MYO1E: variants seen among roughly 807,000 people sequenced by gnomAD.
The protein encoded by MYO1E is myosin IE, also known as unconventional myosin-Ie.
A neutral mutation model predicts 151.1 loss-of-function variants in MYO1E; 68 were observed. The observed-to-expected ratio is 0.45, with a 90% CI of 0.37 to 0.55. MYO1E has a LOEUF of 0.55. Ranked by LOEUF, MYO1E falls within the 20% of genes least tolerant of loss-of-function variation. The probability of loss-of-function intolerance (pLI) is 0.00; values close to 1 mark genes in which losing one functional copy is unlikely to be tolerated. For missense variants in MYO1E, 1,363 were observed against 1,389.3 expected, an observed-to-expected ratio of 0.98 and a Z score of 0.30; for synonymous variants, 601 against 501.7, an observed-to-expected ratio of 1.20 and a Z score of -2.64.
chr15:59,167,476 A>C (rs1333840888), intron 22 of MYO1E, among the ~76,000 whole-genome samples: 5 of 152,124 alleles, frequency 3.3e-5, no homozygotes, highest in African/African-American at 1.2e-4. Flanking sequence ...TTTTCAAATA[A>C]GAGTGGGGCC....
intron 1 of MYO1E, among the ~76,000 whole-genome samples, chr15:59,323,549 G>A (rs146246840): frequency 0.031 from 4,714 of 151,314 alleles, 182 homozygotes; most frequent in African/African-American, 0.087. Flanking sequence ...CCAGCTACTC[G>A]GGAGGCTGAG....
intron 4 of MYO1E, among the ~76,000 whole-genome samples, chr15:59,250,651 T>C (rs538543346): frequency 6.6e-6 from 1 of 152,210 alleles, no homozygotes; most frequent in African/African-American, 2.4e-5. Flanking sequence ...TGGGAACCCC[T>C]GAATTGATGA....
rs764965073 is a variant in MYO1E, at chr15:59,256,372, A to G, written c.244T>C (p.Tyr82His). 3.1e-6 allele frequency: 5 copies of G among 1,606,378 alleles called. No individual in the cohort carries two copies. The highest frequency in any genetic ancestry group is 4.3e-6 in the Non-Finnish European group (5 of 1,174,440). Residue 82 changes from tyrosine (Y) to histidine (H), a missense_variant, in exon 4 of 28, where the codon TAT becomes CAT. Transcript: ENST00000288235. Reference protein sequence around the residue: ...EIEMYQGAAQYENPPHIYALA... With the variant: ...EIEMYQGAAQHENPPHIYALA... ...GCATAGATATGTGGTGGGTTTTCATACTGTGCCTAGAAAAGCAAAAAATAA... is the reference window on the plus strand; with the variant it reads ...GCATAGATATGTGGTGGGTTTTCATGCTGTGCCTAGAAAAGCAAAAAATAA...
chr15:59,195,464 C>T lies in MYO1E; in HGVS notation c.1802G>A (p.Ser601Asn). 1 of 1,612,712 alleles carries T rather than the reference C, an allele frequency of 6.2e-7. No homozygotes were observed. The change falls in exon 17 of 28, where the codon AGC (serine) becomes AAC (asparagine). Residue 601 changes from serine (S) to asparagine (N), a missense_variant. By Grantham distance (46) the Ser-to-Asn change is conservative. Transcript: ENST00000288235. ...CTAAGCCGGTTTCCCCCGATACCTG[C>T]TTTCCTCCCAGTCTCTGGGCTTCTT... ...ETKKPRDWEE[S>N]RVKHQVEYLG...
At chr15:59,155,403 A>G (rs1454947531) in intron 25 of MYO1E, among the ~76,000 whole-genome samples, 1 of 152,172 alleles carries the variant, frequency 6.6e-6, no homozygotes, top group African/African-American at 2.4e-5. Context: ...ACGGACTGGA[A>G]ATTTTTTAAA....
chr15:59,203,996 T>G (rs1160895018), intron 15 of MYO1E, among the ~76,000 whole-genome samples: 4 of 152,224 alleles, frequency 2.6e-5, no homozygotes, highest in African/African-American at 9.7e-5. Context: ...CAAGTGTGTT[T>G]ACAAAATAAT....
At chr15:59,353,369 A>AAAAAAAAAAAAAAAAAAAAAAG (rs1178465167) in intron 1 of MYO1E, among the ~76,000 whole-genome samples, 1 of 96,850 alleles carries the variant, frequency 1.0e-5, no homozygotes, top group Non-Finnish European at 1.9e-5. Flanking sequence ...AAAAAAAAAA[A>AAAAAAAAAAAAAAAAAAAAAAG]AAAAGAAAAG....
At chr15:59,291,561 C>T (rs1183302651) in intron 1 of MYO1E, among the ~76,000 whole-genome samples, 2 of 151,158 alleles carry the variant, frequency 1.3e-5, no homozygotes, top group African/African-American at 4.9e-5. Context: ...GGTGGCCAGG[C>T]GTGGTGGCTC....
chr15:59,257,469 G>A (rs1437785398), intron 3 of MYO1E, among the ~76,000 whole-genome samples: 2 of 152,156 alleles, frequency 1.3e-5, no homozygotes, highest in Admixed American at 6.5e-5. Flanking sequence ...TGTAAATGAC[G>A]GATGGGAAAG....
At chr15:59,138,459 G>C in intron 26 of MYO1E, 92 bp from the exon 27 acceptor site, 1 of 1,371,842 alleles carries the variant, frequency 7.3e-7, no homozygotes, top group Non-Finnish European at 1.0e-6. Context: ...GCACTGGCCT[G>C]TTCAAGTTCA....
chr15:59,218,226 C>T (rs762089485), intron 9 of MYO1E, 139 bp from the exon 10 acceptor site: 28 of 966,604 alleles, frequency 2.9e-5, no homozygotes, highest in African/African-American at 1.3e-4. Flanking sequence ...CAAGAGCTTA[C>T]GTTCTAGTGA....
chr15:59,213,422 C>G (rs1330153171), intron 12 of MYO1E, among the ~76,000 whole-genome samples: 2 of 151,932 alleles, frequency 1.3e-5, no homozygotes, highest in Admixed American at 1.3e-4. Flanking sequence ...CTGCCCGTCT[C>G]GGCCTCCCAA....
At chr15:59,218,238 G>T in intron 9 of MYO1E, 151 bp from the exon 10 acceptor site, 1 of 863,268 alleles carries the variant, frequency 1.2e-6, no homozygotes, top group Non-Finnish European at 1.9e-6. Flanking sequence ...TTCTAGTGAA[G>T]GCTGCTTATC....
At chr15:59,362,205 C>T (rs2080889762) in intron 1 of MYO1E, among the ~76,000 whole-genome samples, 1 of 152,140 alleles carries the variant, frequency 6.6e-6, no homozygotes, top group South Asian at 2.1e-4. Flanking sequence ...GTATAGACCC[C>T]CAAATAGCAG....
intron 17 of MYO1E, among the ~76,000 whole-genome samples, chr15:59,194,251 A>G (rs1330899428): frequency 1.3e-5 from 2 of 152,166 alleles, no homozygotes; most frequent in Non-Finnish European, 2.9e-5. Context: ...AAAAGATGGC[A>G]GCTCTTACAT....
chr15:59,291,711 A>AAAG (rs1555417406), intron 1 of MYO1E, among the ~76,000 whole-genome samples: 7 of 67,014 alleles, frequency 1.0e-4, no homozygotes, highest in African/African-American at 3.9e-4. Context: ...AAAAAAAAAA[A>AAAG]AGAGAGAGAG....
chr15:59,158,196 T>A, intron 25 of MYO1E, 91 bp downstream of exon 25: 1 of 1,122,858 alleles, frequency 8.9e-7, no homozygotes, highest in Non-Finnish European at 1.3e-6. Flanking sequence ...TATGTGTGCA[T>A]TGATTTGCTA....
At chr15:59,370,602 T>A (rs537969958) in intron 1 of MYO1E, among the ~76,000 whole-genome samples, 2 of 152,296 alleles carry the variant, frequency 1.3e-5, no homozygotes, top group African/African-American at 2.4e-5. Flanking sequence ...TGTCCTCAGA[T>A]AGAACCACCT....
chr15:59,214,824 G>A, intron 10 of MYO1E, 104 bp from the exon 11 acceptor site: 2 of 882,580 alleles, frequency 2.3e-6, no homozygotes, highest in Non-Finnish European at 3.9e-6. Context: ...AAACACTACT[G>A]CTTGCAGGAA....
Sources: allele counts gnomAD v4.1 joint callset (sites outside exome capture counted in the v4.1 genomes callset), GRCh38; gene constraint gnomAD v4.1.1; transcripts MANE v1.5; gene names NCBI Gene and HGNC (gene_info 2026-07-23, HGNC 2026-07-21).